Variants in MIB2 observed in about 807,000 individuals in gnomAD.
MIB2 encodes MIB E3 ubiquitin protein ligase 2.
In MIB2, 78 loss-of-function variants were observed where a neutral mutation model predicts 96.6. The observed-to-expected ratio is 0.81, with a 90% CI of 0.67 to 0.97. The LOEUF (loss-of-function observed/expected upper bound fraction) is 0.97. Ranked by LOEUF, MIB2 falls within the 50% of genes least tolerant of loss-of-function variation. The pLI is 0.00. For synonymous variants in MIB2, 820 were observed against 629.5 expected, an observed-to-expected ratio of 1.30 and a Z score of -4.53; for missense variants, 1,543 against 1,424.0, an observed-to-expected ratio of 1.08 and a Z score of -1.35.
At position 1,629,145 on chromosome 1, in the gene MIB2, G is replaced by T. The variant is rs1302481438; in HGVS notation, c.2215G>T (p.Gly739Cys). Residue 739 changes from glycine to cysteine, a missense_variant, in exon 17 of 20, where the codon GGC becomes TGC. By Grantham distance (159) the Gly-to-Cys change is radical. Coordinates refer to ENST00000355826, the MANE Select transcript of MIB2 (RefSeq NM_001170687.4). ...LQLLSRLQAS[G>C]LPGSAELTVG... is the part of the protein sequence containing the mutation. ...TCCTGCCGCCCAGCTACAGGCCTCG[G>T]GCCTCCCCGGCAGCGCGGAGCTGAC... is the stretch of plus-strand genomic sequence containing the variant. 4.7e-6 allele frequency: 7 copies of T among 1,495,080 alleles called. No homozygotes were observed. In the South Asian group the frequency reaches 8.8e-5, roughly 19 times the overall value. The allele number at this position is 1,495,080 out of a possible 1,614,324, so 92.6% of individuals were successfully genotyped here. A position where few individuals can be genotyped will look rare whatever the true frequency, so the allele number is the denominator to read the frequency against.
rs1465645102 is a variant in MIB2 at position 1,626,117 on chromosome 1, G to A, written c.972+464G>A. 1 of 208,240 alleles carries A rather than the reference G, an allele frequency of 4.8e-6. No homozygotes were observed. Among genetic ancestry groups the A allele is most frequent in the Non-Finnish European group, 9.7e-6 (1 of 103,504 alleles). 12.9% of individuals were successfully genotyped at this position (208,240 alleles called of 1,614,324 possible). On this transcript the variant is annotated intron_variant, in intron 8 of 19. Coordinates refer to ENST00000355826, the MANE Select transcript of MIB2 (RefSeq NM_001170687.4). The surrounding 1 kb of genome is among the most constrained non-coding windows in gnomAD (Gnocchi z 5.3). Reference sequence around the variant, plus strand: ...TGGAGGTGGTGGCGGTGGCAGCTTGGATGGCCCTGGGAGGGGCAGGCCCGG... The same window carrying A: ...TGGAGGTGGTGGCGGTGGCAGCTTGAATGGCCCTGGGAGGGGCAGGCCCGG...
In MIB2 at chr1:1,630,568, C is replaced by T. The variant is rs747543582; in HGVS notation, c.*38C>T. On this transcript the variant is annotated 3_prime_UTR_variant, in exon 20 of 20. Transcript: ENST00000355826. ...GCCGCGCCCGAGCTGCCTTCGCGTG[C>T]CCCCGCCCTGTGTTTTATAAAAAGA... 2.5e-5 allele frequency: 36 copies of T among 1,439,518 alleles called. No homozygotes were observed. Among genetic ancestry groups the T allele is most frequent in the Middle Eastern group, 3.5e-4 (2 of 5,648 alleles). The allele number at this position is 1,439,518 out of a possible 1,614,324, so 89.2% of individuals were successfully genotyped here. A position where few individuals can be genotyped will look rare whatever the true frequency, so the allele number is the denominator to read the frequency against.
rs1170304715 is a variant in MIB2 at position 1,630,240 on chromosome 1, C to T, written c.2630-52C>T. On this transcript the variant is annotated intron_variant, in intron 19 of 19. Transcript: ENST00000355826. ...CTCGCCCCCCCGCAGCTCCCTGCTC[C>T]CCGCATTCCCCCACCCGGCCTCCCA... 4.1e-5 allele frequency: 29 copies of T among 714,770 alleles called. No individual in the cohort carries two copies. The Middle Eastern group carries it at 1.8e-3, about 44-fold the overall frequency. 44.3% of individuals were successfully genotyped at this position (714,770 alleles called of 1,614,324 possible).
rs751276824 is a variant in MIB2, at chr1:1,624,921, C to T, written c.526+20C>T. 3.2e-5 allele frequency: 52 copies of T among 1,609,912 alleles called. No homozygotes were observed. Among genetic ancestry groups the T allele is most frequent in the Middle Eastern group, 1.6e-4 (1 of 6,068 alleles). ...AGGATGGTGAGTGGAGGCAGAGGGG[C>T]GGGGTCAGGGCTGGGCTGTGGCTGG... On this transcript the variant is annotated intron_variant, in intron 5 of 19. Transcript: ENST00000355826.
rs1645056985 is a variant in MIB2 at position 1,628,689 on chromosome 1, G to C, written c.2169G>C (p.Gly723=). 1 of 1,566,558 alleles carries C rather than the reference G, an allele frequency of 6.4e-7. No homozygotes were observed. The highest frequency in any genetic ancestry group is 2.3e-5 in the East Asian group (1 of 42,786). The change falls in exon 16 of 20, where the codon GGG becomes GGC. Residue 723 remains glycine, a synonymous_variant. Coordinates refer to ENST00000355826, the MANE Select transcript of MIB2 (RefSeq NM_001170687.4). ...QLLPLVADGA[G]GDPGPLQLLS... is the part of the protein sequence containing the mutation. ...TGCCCCTGGTGGCTGATGGGGCCGG[G>C]GGGGACCCAGGGCCCTTGCAGCTGC...
Position 1,630,603 on chromosome 1 carries a change from G to A in MIB2, c.*73G>A. On this transcript the variant is annotated 3_prime_UTR_variant, in exon 20 of 20. Coordinates refer to ENST00000355826, the MANE Select transcript of MIB2 (RefSeq NM_001170687.4). ...GTGTTTTATAAAAAGAAAGATTCTC[G>A]GACGTTGCCTCTGCTGTCTGCCTGG... The A allele has an allele frequency of 7.9e-7, 1 of 1,259,188 alleles. No individual in the cohort carries two copies. Among genetic ancestry groups the A allele is most frequent in the Middle Eastern group, 1.9e-4 (1 of 5,226 alleles). The allele number at this position is 1,259,188 out of a possible 1,614,324, so 78.0% of individuals were successfully genotyped here.
chr1:1,628,470 C>G lies in MIB2; in HGVS notation c.1969-19C>G. The G allele has an allele frequency of 6.3e-7, 1 of 1,595,478 alleles. No homozygotes were observed. Among genetic ancestry groups the G allele is most frequent in the Non-Finnish European group, 8.5e-7 (1 of 1,174,276 alleles). ...CCCACTGGGGTCCCTGGGCTGAGCC[C>G]GTCCCCACCCCTCCCCAGGGCCGCT... On this transcript the variant is annotated intron_variant, in intron 15 of 19. Transcript: ENST00000355826.
chr1:1,627,692 AG>A lies in MIB2; in HGVS notation c.1546del (p.Val516CysfsTer3). ...AALGNQPEAT[R>X]VLLSAGCRAD... ...TGTCAGGAACCAGCCCGAGGCCACC[AG>A]GGTGCTCCTGAGTGCTGGGTGCCGG... On this transcript the variant is annotated frameshift_variant, in exon 13 of 20. Transcript: ENST00000355826. LOFTEE classifies it high-confidence loss of function. 1 of 1,594,706 alleles carries A rather than the reference AG, an allele frequency of 6.3e-7. No individual in the cohort carries two copies. Among genetic ancestry groups the A allele is most frequent in the Non-Finnish European group, 8.5e-7 (1 of 1,178,356 alleles).
Position 1,629,635 on chromosome 1 carries a change from G to C in MIB2, c.2564-4G>C. On this transcript the variant is annotated splice_polypyrimidine_tract_variant and splice_region_variant and intron_variant, in intron 18 of 19. Coordinates refer to ENST00000355826, the MANE Select transcript of MIB2 (RefSeq NM_001170687.4). ...CGCAGCCAACCGCGCTCTCCTCTTC[G>C]CAGAGTGCGCGCGCAGGATGAAGAA... 6.3e-7 allele frequency: 1 copy of C among 1,587,530 alleles called. No homozygotes were observed. The highest frequency in any genetic ancestry group is 8.6e-7 in the Non-Finnish European group (1 of 1,167,572).
intron 13 of MIB2, 85 bp downstream of exon 13, chr1:1,627,914 C>T: frequency 6.3e-7 from 1 of 1,599,444 alleles, no homozygotes; most frequent in Admixed American, 1.7e-5. Context: ...GTGTGCTGCT[C>T]CCTGGCCTGG....
rs1437319754 is a variant in MIB2, at chr1:1,630,311, C to A, written c.2649C>A (p.Ser883Arg). The change falls in exon 20 of 20, where the codon AGC becomes AGA. Residue 883 changes from serine (S) to arginine (R), a missense_variant. Physicochemically the swap from Ser to Arg is moderately radical, Grantham distance 110. Transcript: ENST00000355826. ...KLRPDGSEVA[S>R]AAPAPGPPRQ... is the part of the protein sequence containing the mutation. ...CCGCAGACGGCTCTGAGGTGGCGAG[C>A]GCCGCCCCCGCCCCCGGCCCGCCGC... 1 of 1,519,684 alleles carries A rather than the reference C, an allele frequency of 6.6e-7. No homozygotes were observed. Among genetic ancestry groups the A allele is most frequent in the East Asian group, 2.6e-5 (1 of 38,860 alleles). The allele number at this position is 1,519,684 out of a possible 1,614,324, so 94.1% of individuals were successfully genotyped here.
Position 1,629,141 on chromosome 1 carries a change from C to T in MIB2, c.2211C>T (p.Ala737=), listed in dbSNP as rs1295869623. Residue 737 remains alanine, a synonymous_variant, in exon 17 of 20, where the codon GCC becomes GCT. Transcript: ENST00000355826. The part of the protein sequence containing the change: ...GPLQLLSRLQ[A]SGLPGSAELT... ...TCTGTCCTGCCGCCCAGCTACAGGCCTCGGGCCTCCCCGGCAGCGCGGAGC... is the reference window on the plus strand; with the variant it reads ...TCTGTCCTGCCGCCCAGCTACAGGCTTCGGGCCTCCCCGGCAGCGCGGAGC... 26 of 1,492,738 alleles carry T rather than the reference C, an allele frequency of 1.7e-5. No individual in the cohort carries two copies. Among genetic ancestry groups the T allele is most frequent in the Admixed American group, 4.4e-5 (2 of 44,964 alleles). The allele number at this position is 1,492,738 out of a possible 1,614,324, so 92.5% of individuals were successfully genotyped here.
chr1:1,628,790 C>T (rs1392029469), intron 16 of MIB2, 68 bp downstream of exon 16: 8 of 1,294,904 alleles, frequency 6.2e-6, no homozygotes, highest in Non-Finnish European at 8.3e-6. Flanking sequence ...TGGGCAGGGC[C>T]TGTGCCACTG....
At chr1:1,623,058 C>T (rs1251308741) in intron 2 of MIB2, 2 of 374,992 alleles carry the variant, frequency 5.3e-6, no homozygotes, top group Non-Finnish European at 9.6e-6. Flanking sequence ...GGGACGGCAG[C>T]TCTTACTTTA....
At chr1:1,622,742 C>G (rs1644371612) in intron 2 of MIB2, among the ~76,000 whole-genome samples, 1 of 152,190 alleles carries the variant, frequency 6.6e-6, no homozygotes, top group African/African-American at 2.4e-5. Flanking sequence ...TGGCCAGGGC[C>G]ACTTTTCCAG....
rs1424528344 is a variant in MIB2, at chr1:1,630,428, G to C, written c.2766G>C (p.Val922=). 1 of 1,587,442 alleles carries C rather than the reference G, an allele frequency of 6.3e-7. No individual in the cohort carries two copies. Among genetic ancestry groups the C allele is most frequent in the Non-Finnish European group, 8.6e-7 (1 of 1,169,072 alleles). The change falls in exon 20 of 20, where the codon GTG becomes GTC. Residue 922 remains valine (V), a synonymous_variant. Transcript: ENST00000355826. Reference sequence around the variant, plus strand: ...GCATCGACAGCCACATCCGCCTCGTGTTCCAGTGCGGCCACGGCGCATGCG... The same window carrying C: ...GCATCGACAGCCACATCCGCCTCGTCTTCCAGTGCGGCCACGGCGCATGCG... ...PICIDSHIRL[V]FQCGHGACAP... is the part of the protein sequence containing the mutation.
intron 1 of MIB2, 151 bp downstream of exon 1, chr1:1,615,784 C>A: frequency 1.5e-6 from 2 of 1,336,564 alleles, no homozygotes; most frequent in Non-Finnish European, 1.9e-6. Flanking sequence ...ACGGGATGGG[C>A]TGGGGCTGCG....
upstream of MIB2, chr1:1,615,277 C>T: frequency 3.2e-6 from 4 of 1,254,714 alleles, no homozygotes; most frequent in South Asian, 3.5e-5. Flanking sequence ...GCGAGCGCGA[C>T]GTCGCTCCCA....
intron 2 of MIB2, among the ~76,000 whole-genome samples, chr1:1,622,414 C>T (rs535773769): frequency 6.6e-6 from 1 of 152,274 alleles, no homozygotes; most frequent in Admixed American, 6.5e-5. Flanking sequence ...CCCACGGTGA[C>T]TCACGTCTGC....
Sources: allele counts gnomAD v4.1 joint callset (sites outside exome capture counted in the v4.1 genomes callset), GRCh38; gene constraint gnomAD v4.1.1; non-coding constraint Gnocchi (gnomAD v3.1); transcripts MANE v1.5; gene names NCBI Gene and HGNC (gene_info 2026-07-23, HGNC 2026-07-21).